LTBP1: variants seen among roughly 807,000 people sequenced by gnomAD.
LTBP1 encodes latent transforming growth factor beta binding protein 1.
Under a neutral mutation model 207.6 loss-of-function variants are expected in LTBP1, and 129 were observed. That is an observed-to-expected ratio of 0.62 (90% CI 0.54 to 0.72). LTBP1 has a LOEUF of 0.72. Ranked by LOEUF, LTBP1 falls within the 30% of genes least tolerant of loss-of-function variation. The pLI, the probability that LTBP1 is intolerant of heterozygous loss-of-function variation, is 0.00. For missense variants in LTBP1, 2,281 were observed against 2,217.2 expected, an observed-to-expected ratio of 1.03 and a Z score of -0.58; for synonymous variants, 963 against 833.7, an observed-to-expected ratio of 1.16 and a Z score of -2.67.
At chr2:33,397,612 A>G (rs1451166405) in intron 33 of LTBP1, among the ~76,000 whole-genome samples, 4 of 148,544 alleles carry the variant, frequency 2.7e-5, no homozygotes, top group Admixed American at 6.8e-5. Context: ...GGTTCAAGCA[A>G]TGCTCCTGCC....
At chr2:33,085,663 A>G (rs2078705638) in intron 3 of LTBP1, among the ~76,000 whole-genome samples, 1 of 152,172 alleles carries the variant, frequency 6.6e-6, no homozygotes, top group African/African-American at 2.4e-5. Context: ...CAACACTGAG[A>G]TTTAGAGTAT....
At position 33,010,284 on chromosome 2, in the gene LTBP1, G is replaced by A. The variant is rs78536763; in HGVS notation, c.566-10625G>A. On this transcript the variant is annotated intron_variant, in intron 2 of 33. Transcript: ENST00000404816. Reference sequence around the variant, plus strand: ...GGATGCACAAGGCTGATTGAAGGGAGTTCAAGAGGAAGTGGCATTACATCA... The same window carrying A: ...GGATGCACAAGGCTGATTGAAGGGAATTCAAGAGGAAGTGGCATTACATCA... 8.5e-4 allele frequency among the ~76,000 whole-genome samples: 129 copies of A among 152,322 alleles called. 2 individuals are homozygous for A. The highest frequency in any genetic ancestry group is 2.9e-3 in the African/African-American group (119 of 41,558).
In LTBP1 at chr2:33,370,163, A is replaced by G. The variant is rs149232208; in HGVS notation, c.4711+4660A>G. The stretch of plus-strand genomic sequence containing the variant: ...TTCAAATAGTGTTTGACACATGGTA[A>G]GTTTTCAGAAGATACTAACAACTAT... On this transcript the variant is annotated intron_variant, in intron 31 of 33. Coordinates refer to ENST00000404816, the MANE Select transcript of LTBP1 (RefSeq NM_206943.4). Among the ~76,000 whole-genome samples, 8 of 151,766 alleles carry G rather than the reference A, an allele frequency of 5.3e-5. No individual in the cohort carries two copies. In the East Asian group the frequency reaches 1.3e-3, roughly 26 times the overall value.
At chr2:32,991,379 T>A (rs919439465) in intron 2 of LTBP1, among the ~76,000 whole-genome samples, 1 of 152,242 alleles carries the variant, frequency 6.6e-6, no homozygotes, top group Non-Finnish European at 1.5e-5. Context: ...TCTTGAAATA[T>A]AGTTGTTTAA....
intron 2 of LTBP1, among the ~76,000 whole-genome samples, chr2:32,997,829 G>A (rs1363304989): frequency 1.3e-5 from 2 of 152,180 alleles, no homozygotes; most frequent in African/African-American, 4.8e-5. Flanking sequence ...TTCGACCATA[G>A]CAGGAGCCCC....
At chr2:33,288,570 T>C (rs1436298835) in intron 19 of LTBP1, among the ~76,000 whole-genome samples, 1 of 152,044 alleles carries the variant, frequency 6.6e-6, no homozygotes, top group Non-Finnish European at 1.5e-5. Context: ...GAAAAGAAGT[T>C]GGAGGCCAGG....
intron 31 of LTBP1, among the ~76,000 whole-genome samples, chr2:33,388,700 T>C (rs952908269): frequency 6.6e-6 from 1 of 152,230 alleles, no homozygotes; most frequent in African/African-American, 2.4e-5. Context: ...ACTACTAAAT[T>C]TAAGCAGCAT....
In LTBP1 at chr2:33,357,398, A is replaced by G. The variant is rs776958112; in HGVS notation, c.4001-3199A>G. On this transcript the variant is annotated intron_variant, in intron 26 of 33. Transcript: ENST00000404816. The stretch of plus-strand genomic sequence containing the variant: ...ATCTCAAAGATGAAAAAACACAGAG[A>G]ATAAAGGGCAAAGCAGAACAAACCC... 7.7e-4 allele frequency among the ~76,000 whole-genome samples: 118 copies of G among 152,306 alleles called. 1 individual carries two copies. The highest frequency in any genetic ancestry group is 1.2e-3 in the Non-Finnish European group (83 of 68,018).
chr2:33,026,072 T>G (rs10203632), intron 3 of LTBP1, among the ~76,000 whole-genome samples: 22,360 of 152,184 alleles, frequency 0.15, 1,724 homozygotes, highest in South Asian at 0.22. Context: ...AATCCCATTA[T>G]AAAGCTATGC....
intron 31 of LTBP1, among the ~76,000 whole-genome samples, chr2:33,368,498 C>T (rs1306037356): frequency 6.6e-6 from 1 of 152,214 alleles, no homozygotes; most frequent in Non-Finnish European, 1.5e-5. Context: ...TGCAATGAAC[C>T]TCCATGTATG....
intron 2 of LTBP1, among the ~76,000 whole-genome samples, chr2:32,999,226 A>G (rs1015663413): frequency 1.3e-5 from 2 of 152,234 alleles, no homozygotes; most frequent in Non-Finnish European, 2.9e-5. Context: ...CTGAATCAGT[A>G]TCTGCATTTT....
chr2:33,276,354 C>A (rs1389590101), intron 18 of LTBP1, among the ~76,000 whole-genome samples: 1 of 152,192 alleles, frequency 6.6e-6, no homozygotes, highest in African/African-American at 2.4e-5. Flanking sequence ...TACTTTCTCA[C>A]AGACTCCCCA....
intron 2 of LTBP1, among the ~76,000 whole-genome samples, chr2:32,978,640 G>A (rs1045806959): frequency 6.6e-6 from 1 of 150,988 alleles, no homozygotes; most frequent in Admixed American, 6.6e-5. Context: ...TGTTTATTAA[G>A]GATATTGGCC....
At chr2:33,002,350 A>G (rs754467661) in intron 2 of LTBP1, among the ~76,000 whole-genome samples, 2 of 152,186 alleles carry the variant, frequency 1.3e-5, no homozygotes, top group Non-Finnish European at 2.9e-5. Context: ...GGTGGAAAGA[A>G]AATGTTTGTG....
intron 3 of LTBP1, among the ~76,000 whole-genome samples, chr2:33,069,856 C>T (rs184078853): frequency 1.2e-4 from 18 of 152,286 alleles, no homozygotes; most frequent in Admixed American, 3.3e-4. Context: ...GAATGGAAGA[C>T]GGTATTCCCC....
intron 7 of LTBP1, among the ~76,000 whole-genome samples, chr2:33,208,564 C>A (rs2090051794): frequency 6.6e-6 from 1 of 152,112 alleles, no homozygotes; most frequent in East Asian, 1.9e-4. Context: ...TACCACCAGG[C>A]AGGCTGTGGC....
chr2:33,157,716 C>T (rs1253761109), intron 5 of LTBP1, among the ~76,000 whole-genome samples: 2 of 152,104 alleles, frequency 1.3e-5, no homozygotes, highest in Non-Finnish European at 2.9e-5. Context: ...TGCATGTGTA[C>T]GAGGAGCATC....
chr2:33,324,522 A>G (rs1472465446), intron 24 of LTBP1, among the ~76,000 whole-genome samples: 5 of 152,036 alleles, frequency 3.3e-5, no homozygotes, highest in African/African-American at 1.2e-4. Flanking sequence ...TTGCATTGTC[A>G]TTGGTTTCCT....
At chr2:33,188,427 C>CAAAAAAAAAAAAAA (rs577171233) in intron 6 of LTBP1, 150 bp from the exon 7 acceptor site, 13 of 349,850 alleles carry the variant, frequency 3.7e-5, no homozygotes, top group Middle Eastern at 8.9e-4. Context: ...AACTCCATCT[C>CAAAAAAAAAAAAAA]AAAAAAAAAA....
Sources: allele counts gnomAD v4.1 joint callset (sites outside exome capture counted in the v4.1 genomes callset), GRCh38; gene constraint gnomAD v4.1.1; transcripts MANE v1.5; gene names NCBI Gene and HGNC (gene_info 2026-07-23, HGNC 2026-07-21).